CCDC85C: variants seen among roughly 807,000 people sequenced by gnomAD.
CCDC85C encodes coiled-coil domain containing 85C.
In CCDC85C, 18 loss-of-function variants were observed where a neutral mutation model predicts 38.3. The observed-to-expected ratio is 0.47, with a 90% CI of 0.33 to 0.70. The LOEUF (loss-of-function observed/expected upper bound fraction) is 0.70, where lower values mean the gene tolerates loss of function less well. Among genes scored for constraint, CCDC85C ranks in the 30% least tolerant of loss-of-function variants. The pLI, the probability that CCDC85C is intolerant of heterozygous loss-of-function variation, is 0.03. For missense variants in CCDC85C, 566 were observed against 621.2 expected, an observed-to-expected ratio of 0.91 and a Z score of 0.94; for synonymous variants, 264 against 293.8, an observed-to-expected ratio of 0.90 and a Z score of 1.04.
intron 2 of CCDC85C, among the ~76,000 whole-genome samples, chr14:99,523,439 G>T (rs1429629514): frequency 6.6e-6 from 1 of 152,206 alleles, no homozygotes; most frequent in Non-Finnish European, 1.5e-5. Flanking sequence ...GGGCTGGGAG[G>T]TCTCAAGAGC....
intron 1 of CCDC85C, among the ~76,000 whole-genome samples, chr14:99,540,305 G>T (rs557846044): frequency 4.4e-4 from 67 of 152,230 alleles, no homozygotes; most frequent in Admixed American, 2.0e-3. Context: ...CAGTGAGCCG[G>T]GCGTCAGTCA....
chr14:99,601,655 G>T (rs1295597034), intron 1 of CCDC85C, among the ~76,000 whole-genome samples: 1 of 152,160 alleles, frequency 6.6e-6, no homozygotes, highest in Non-Finnish European at 1.5e-5. Flanking sequence ...AATCAAAGGG[G>T]CTGAGGTGCT....
Position 99,516,115 on chromosome 14 carries a change from GTATGGCCATGC to G in CCDC85C, c.1170+62_1170+72del. 8.8e-7 allele frequency: 1 copy of G among 1,138,156 alleles called. No individual in the cohort carries two copies. Among genetic ancestry groups the G allele is most frequent in the Non-Finnish European group, 1.3e-6 (1 of 773,924 alleles). The allele number at this position is 1,138,156 out of a possible 1,614,324, so 70.5% of individuals were successfully genotyped here. On this transcript the variant is annotated intron_variant, in intron 5 of 5. Coordinates refer to ENST00000380243, the MANE Select transcript of CCDC85C (RefSeq NM_001144995.2). The surrounding 1 kb of genome is among the most constrained non-coding windows in gnomAD (Gnocchi z 5.5). Reference sequence around the variant, plus strand: ...GAAATGGAGTCCCACATGGGGAAGGGTATGGCCATGCTGGGTGGCCCTGGTCGCACTCCCAG... The same window carrying G: ...GAAATGGAGTCCCACATGGGGAAGGGTGGGTGGCCCTGGTCGCACTCCCAG...
At chr14:99,532,072 C>T (rs539415447) in intron 2 of CCDC85C, among the ~76,000 whole-genome samples, 1 of 152,236 alleles carries the variant, frequency 6.6e-6, no homozygotes, top group African/African-American at 2.4e-5. Context: ...GCACTGGAGA[C>T]ACCAATGTGG....
At chr14:99,524,461 G>A (rs530076575) in intron 2 of CCDC85C, among the ~76,000 whole-genome samples, 1 of 152,322 alleles carries the variant, frequency 6.6e-6, no homozygotes, top group Admixed American at 6.5e-5. Context: ...GGGAGGAGAT[G>A]TGTGTGCGTG....
rs755202901 is a variant in CCDC85C, at chr14:99,502,726, C to T, written c.*12520G>A. The T allele has an allele frequency of 3.1e-6, 5 of 1,612,698 alleles. No individual in the cohort carries two copies. The highest frequency in any genetic ancestry group is 2.7e-5 in the African/African-American group (2 of 74,978). On this transcript the variant is annotated 3_prime_UTR_variant, in exon 6 of 6. Transcript: ENST00000380243. ...TTGTTGGCTATCATTTAGACATCTG[C>T]CACCAAATCCTGGATCTTTACTCAC... is the stretch of plus-strand genomic sequence containing the variant.
intron 1 of CCDC85C, among the ~76,000 whole-genome samples, chr14:99,586,756 C>T (rs569823347): frequency 5.9e-5 from 9 of 152,286 alleles, no homozygotes; most frequent in African/African-American, 1.9e-4. Flanking sequence ...AGCAATGTGT[C>T]GGCGGGGGAC....
rs2139880784 is a variant in CCDC85C, at chr14:99,507,118, C to T, written c.*8128G>A. ...ATCCCCAAAATTGAGACCACTCATC[C>T]ACCGTTGCCTCCAGCCCACCCACCT... On this transcript the variant is annotated 3_prime_UTR_variant, in exon 6 of 6. Coordinates refer to ENST00000380243, the MANE Select transcript of CCDC85C (RefSeq NM_001144995.2). 1.2e-6 allele frequency: 2 copies of T among 1,611,962 alleles called. No individual in the cohort carries two copies. Among genetic ancestry groups the T allele is most frequent in the Admixed American group, 1.7e-5 (1 of 60,030 alleles).
At chr14:99,556,801 A>T (rs1047862765) in intron 1 of CCDC85C, among the ~76,000 whole-genome samples, 7 of 152,182 alleles carry the variant, frequency 4.6e-5, no homozygotes, top group African/African-American at 1.7e-4. Flanking sequence ...TTCTCGGATT[A>T]CAGGTATGAG....
intron 1 of CCDC85C, among the ~76,000 whole-genome samples, chr14:99,582,771 G>A (rs181821073): frequency 7.2e-5 from 11 of 152,136 alleles, no homozygotes; most frequent in South Asian, 4.2e-4. Flanking sequence ...CTGAGATTGC[G>A]CCTCTGCACT....
Position 99,545,963 on chromosome 14 carries a change from CT to C in CCDC85C, c.794-9876del, listed in dbSNP as rs1444772966. On this transcript the variant is annotated intron_variant, in intron 1 of 5. Transcript: ENST00000380243. This position sits in a 1 kb window ranked among gnomAD's most constrained non-coding sequence, Gnocchi z 4.7. ...CGAGGGACCCTTTACCCTCCTGCCC[CT>C]GACTATTAATTAGTGGAGCTGAACT... Among the ~76,000 whole-genome samples the C allele has an allele frequency of 2.0e-5, 3 of 151,934 alleles. No individual in the cohort carries two copies. In the East Asian group the frequency reaches 5.8e-4, roughly 29 times the overall value.
chr14:99,521,016 A>T (rs1455568960), intron 3 of CCDC85C, among the ~76,000 whole-genome samples: 1 of 152,212 alleles, frequency 6.6e-6, no homozygotes, highest in Non-Finnish European at 1.5e-5. Context: ...GGCCTGGTAC[A>T]TGTGAGAGCT....
At chr14:99,521,091 A>C (rs1433614863) in intron 3 of CCDC85C, among the ~76,000 whole-genome samples, 3 of 152,182 alleles carry the variant, frequency 2.0e-5, no homozygotes, top group East Asian at 3.9e-4. Context: ...GCACTGAGTA[A>C]CTGCTAGCTG....
Position 99,510,024 on chromosome 14 carries a change from A to G in CCDC85C, c.*5222T>C, listed in dbSNP as rs1011775927. 3 of 837,754 alleles carry G rather than the reference A, an allele frequency of 3.6e-6. No homozygotes were observed. Among genetic ancestry groups the G allele is most frequent in the Admixed American group, 5.6e-5 (2 of 36,018 alleles). The allele number at this position is 837,754 out of a possible 1,614,324, so 51.9% of individuals were successfully genotyped here. On this transcript the variant is annotated 3_prime_UTR_variant, in exon 6 of 6. Coordinates refer to ENST00000380243, the MANE Select transcript of CCDC85C (RefSeq NM_001144995.2). ...GCATCAGGACATGGGGCATGGGCCC[A>G]TGCGTTGGGCCACAGAGGAGGCGGG...
intron 1 of CCDC85C, among the ~76,000 whole-genome samples, chr14:99,582,809 G>A (rs559274446): frequency 2.6e-5 from 4 of 151,910 alleles, no homozygotes; most frequent in African/African-American, 7.2e-5. Context: ...GCAAGACTCC[G>A]TCTCAAAAAA....
rs1361891593 is a variant in CCDC85C at position 99,576,617 on chromosome 14, G to A, written c.793+26550C>T. ...TGCTAGGGGCAGGCAGGATGCAAATGGCTCCAGAGTTCCCCCACACCTGCC... is the reference window on the plus strand; with the variant it reads ...TGCTAGGGGCAGGCAGGATGCAAATAGCTCCAGAGTTCCCCCACACCTGCC... On this transcript the variant is annotated intron_variant, in intron 1 of 5. Transcript: ENST00000380243. The surrounding 1 kb of genome is among the most constrained non-coding windows in gnomAD (Gnocchi z 4.8). 1.3e-5 allele frequency: 2 copies of A among 152,252 alleles called. No individual in the cohort carries two copies. The highest frequency in any genetic ancestry group is 2.9e-5 in the Non-Finnish European group (2 of 68,102). 9.4% of individuals were successfully genotyped at this position (152,252 alleles called of 1,614,324 possible).
At position 99,569,482 on chromosome 14, in the gene CCDC85C, C is replaced by G. The variant is rs975715765; in HGVS notation, c.794-33394G>C. Among the ~76,000 whole-genome samples the G allele has an allele frequency of 6.6e-6, 1 of 152,218 alleles. No homozygotes were observed. Among genetic ancestry groups the G allele is most frequent in the African/African-American group, 2.4e-5 (1 of 41,456 alleles). On this transcript the variant is annotated intron_variant, in intron 1 of 5. Transcript: ENST00000380243. This position sits in a 1 kb window ranked among gnomAD's most constrained non-coding sequence, Gnocchi z 4.3. ...CACTGCCTGGGGATCTAAGCAGTTACGGCTGCCCCAGGGCTGGGACCAAAC... is the reference window on the plus strand; with the variant it reads ...CACTGCCTGGGGATCTAAGCAGTTAGGGCTGCCCCAGGGCTGGGACCAAAC...
intron 1 of CCDC85C, among the ~76,000 whole-genome samples, chr14:99,581,626 C>T (rs1371263374): frequency 1.3e-5 from 2 of 152,212 alleles, no homozygotes; most frequent in Non-Finnish European, 2.9e-5. Context: ...GCAATTCTCT[C>T]GCCTGCCTGC....
chr14:99,566,319 T>C (rs1265912307), intron 1 of CCDC85C, among the ~76,000 whole-genome samples: 1 of 143,320 alleles, frequency 7.0e-6, no homozygotes, highest in Admixed American at 6.9e-5. Context: ...GTAAGCACTA[T>C]CAGTGCCCTG....
Sources: gnomAD v4.1 joint callset for allele counts (sites outside exome capture counted in the v4.1 genomes callset) on GRCh38, gnomAD v4.1.1 for gene constraint, Gnocchi (gnomAD v3.1) non-coding constraint, MANE v1.5 for transcripts, NCBI Gene and HGNC (gene_info 2026-07-23, HGNC 2026-07-21) for gene names.